AUTS2: variants seen among roughly 807,000 people sequenced by gnomAD.
AUTS2 encodes autism susceptibility gene 2 protein.
In AUTS2, 17 loss-of-function variants were observed where a neutral mutation model predicts 112.4. The observed-to-expected ratio is 0.15, with a 90% confidence interval of 0.10 to 0.23. AUTS2 has a LOEUF of 0.23. Among genes scored for constraint, AUTS2 ranks in the 10% least tolerant of loss-of-function variants. The pLI, the probability that AUTS2 is intolerant of heterozygous loss-of-function variation, is 1.00. For synonymous variants in AUTS2, 751 were observed against 702.7 expected (o/e 1.07, Z -1.09); for missense variants, 1,510 against 1,701.6 (o/e 0.89, Z 1.98).
At chr7:70,534,770 A>G (rs1365707277) in intron 5 of AUTS2, among the ~76,000 whole-genome samples, 1 of 152,050 alleles carries the variant, frequency 6.6e-6, no homozygotes, top group Admixed American at 6.6e-5. Flanking sequence ...ATATCTTTAC[A>G]TTTTGTTACC....
At chr7:70,149,097 A>C (rs559893765) in intron 4 of AUTS2, among the ~76,000 whole-genome samples, 44 of 152,090 alleles carry the variant, frequency 2.9e-4, no homozygotes, top group Non-Finnish European at 5.9e-4. Context: ...GGTCAGAACT[A>C]CTTCCATAGT....
intron 2 of AUTS2, among the ~76,000 whole-genome samples, chr7:70,039,517 AT>A (rs542154458): frequency 1.8e-3 from 275 of 151,760 alleles, no homozygotes; most frequent in Admixed American, 3.0e-3. Flanking sequence ...CGCCTGACTA[AT>A]TTTTGTATTT....
At chr7:70,408,555 T>G (rs1794639880) in intron 4 of AUTS2, among the ~76,000 whole-genome samples, 1 of 152,218 alleles carries the variant, frequency 6.6e-6, no homozygotes, top group Non-Finnish European at 1.5e-5. Context: ...ACCCATCTAG[T>G]GCTTACAGCA....
chr7:70,627,164 C>T (rs1032337687), intron 5 of AUTS2, among the ~76,000 whole-genome samples: 1 of 152,224 alleles, frequency 6.6e-6, no homozygotes, highest in African/African-American at 2.4e-5. Context: ...TCTCTACAGC[C>T]TTGCCAGCAT....
At chr7:70,036,129 T>A (rs768337757) in intron 2 of AUTS2, among the ~76,000 whole-genome samples, 3 of 152,032 alleles carry the variant, frequency 2.0e-5, no homozygotes, top group Non-Finnish European at 4.4e-5. Flanking sequence ...CCAGAGGTGG[T>A]TTGAGAGGCA....
chr7:69,946,826 T>C (rs1244252153), intron 2 of AUTS2, among the ~76,000 whole-genome samples: 1 of 152,220 alleles, frequency 6.6e-6, no homozygotes, highest in African/African-American at 2.4e-5. Context: ...GTCTTGAATA[T>C]AGAAGCAACG....
chr7:70,396,878 TTAAGGA>T (rs1794108766), intron 4 of AUTS2, among the ~76,000 whole-genome samples: 1 of 152,194 alleles, frequency 6.6e-6, no homozygotes, highest in East Asian at 1.9e-4. Context: ...TATTTGAATC[TTAAGGA>T]AGTATCTAGG....
Position 69,798,739 on chromosome 7 carries a change from C to T in AUTS2, c.310-100547C>T, listed in dbSNP as rs184556325. Among the ~76,000 whole-genome samples the T allele has an allele frequency of 5.5e-4, 83 of 152,194 alleles. 1 individual carries two copies. Among genetic ancestry groups the T allele is most frequent in the Admixed American group, 5.3e-3 (81 of 15,276 alleles). ...GGTGTGGTGACTCACTCCTGTAATC[C>T]TTGCACTTTGGAAGGCCAAGGTGGG... On this transcript the variant is annotated intron_variant, in intron 1 of 18. Coordinates refer to ENST00000342771, the MANE Select transcript of AUTS2 (RefSeq NM_015570.4).
At chr7:69,769,262 C>A (rs1788560506) in intron 1 of AUTS2, among the ~76,000 whole-genome samples, 2 of 152,120 alleles carry the variant, frequency 1.3e-5, no homozygotes, top group African/African-American at 4.8e-5. Flanking sequence ...ATTATTTCAG[C>A]TGTAATTAGG....
chr7:70,504,679 A>T (rs1416190386), intron 5 of AUTS2, among the ~76,000 whole-genome samples: 1 of 152,164 alleles, frequency 6.6e-6, no homozygotes, highest in East Asian at 1.9e-4. Flanking sequence ...TTTCCTCTCG[A>T]AATCATGAGT....
chr7:70,303,444 A>G (rs1789335182), intron 4 of AUTS2, among the ~76,000 whole-genome samples: 1 of 145,008 alleles, frequency 6.9e-6, no homozygotes, highest in Middle Eastern at 3.5e-3. Context: ...GCACATACAC[A>G]CACACACACA....
chr7:70,729,976 G>A (rs967206654), intron 6 of AUTS2, among the ~76,000 whole-genome samples: 1 of 152,084 alleles, frequency 6.6e-6, no homozygotes, highest in Non-Finnish European at 1.5e-5. Context: ...TCCGCCTCCC[G>A]GGTTGAAGTG....
chr7:70,477,209 T>G (rs73175977), intron 5 of AUTS2, among the ~76,000 whole-genome samples: 5,889 of 152,272 alleles, frequency 0.039, 153 homozygotes, highest in Non-Finnish European at 0.056. Flanking sequence ...TTACTCACCT[T>G]TTCTTTTCCC....
At chr7:70,133,107 G>A (rs1463209940) in intron 3 of AUTS2, among the ~76,000 whole-genome samples, 1 of 152,186 alleles carries the variant, frequency 6.6e-6, no homozygotes, top group Non-Finnish European at 1.5e-5. Context: ...ACTGAGTGCA[G>A]TGAGCAGGAT....
chr7:69,765,012 G>C (rs1788359348), intron 1 of AUTS2, among the ~76,000 whole-genome samples: 1 of 152,176 alleles, frequency 6.6e-6, no homozygotes, highest in Admixed American at 6.5e-5. Context: ...GAGTTTTAAA[G>C]AATTTTCCAG....
At chr7:70,576,117 G>C (rs894787655) in intron 5 of AUTS2, among the ~76,000 whole-genome samples, 1 of 152,102 alleles carries the variant, frequency 6.6e-6, no homozygotes, top group Non-Finnish European at 1.5e-5. Context: ...GCAGACTCTA[G>C]GCAGATGTAC....
chr7:70,363,465 GAA>G (rs369462886), intron 4 of AUTS2, among the ~76,000 whole-genome samples: 6,231 of 110,764 alleles, frequency 0.056, 212 homozygotes, highest in East Asian at 0.18. Context: ...ATAAAAAAAA[GAA>G]AAAAAAAAAA....
At chr7:70,081,965 T>TGTGTGTGTGTGTGTGC (rs1018968486) in intron 2 of AUTS2, among the ~76,000 whole-genome samples, 3 of 128,016 alleles carry the variant, frequency 2.3e-5, no homozygotes, top group African/African-American at 8.5e-5. Context: ...TGTGTGTGTG[T>TGTGTGTGTGTGTGTGC]GCGCGCGCCT....
intron 5 of AUTS2, among the ~76,000 whole-genome samples, chr7:70,570,158 CAGT>C (rs1409315965): frequency 1.3e-5 from 2 of 152,220 alleles, no homozygotes; most frequent in African/African-American, 4.8e-5. Flanking sequence ...CTGGCCATGA[CAGT>C]AGGTTAGGCA....
Sources: gnomAD v4.1 joint callset for allele counts (sites outside exome capture counted in the v4.1 genomes callset) on GRCh38, gnomAD v4.1.1 for gene constraint, MANE v1.5 for transcripts, NCBI Gene and HGNC (gene_info 2026-07-23, HGNC 2026-07-21) for gene names.